The following CYTH1 variants were observed in gnomAD, a reference collection of about 807,000 sequenced individuals.
CYTH1 encodes the protein cytohesin-1.
In CYTH1, 18 loss-of-function variants were observed where a neutral mutation model predicts 61.8. The ratio of observed to expected loss-of-function variants is 0.29; its 90% CI spans 0.20 to 0.43. The LOEUF is 0.43. Ranked by LOEUF, CYTH1 falls within the 20% of genes least tolerant of loss-of-function variation. CYTH1 has a pLI of 1.00. For synonymous variants in CYTH1, 174 were observed against 184.3 expected (o/e 0.94, Z 0.45); for missense variants, 336 against 510.5 (o/e 0.66, Z 3.29).
At chr17:78,759,115 A>C (rs994466168) in intron 1 of CYTH1, among the ~76,000 whole-genome samples, 1 of 152,208 alleles carries the variant, frequency 6.6e-6, no homozygotes. Flanking sequence ...AACAGAAAGA[A>C]AATTTCCATA....
intron 3 of CYTH1, among the ~76,000 whole-genome samples, chr17:78,707,613 G>A (rs2093081542): frequency 6.6e-6 from 1 of 152,006 alleles, no homozygotes; most frequent in Admixed American, 6.5e-5. Context: ...GACAACAGAG[G>A]GGAGTAATTC....
intron 1 of CYTH1, among the ~76,000 whole-genome samples, chr17:78,766,980 A>C (rs2093451309): frequency 6.6e-6 from 1 of 152,198 alleles, no homozygotes; most frequent in South Asian, 2.1e-4. Flanking sequence ...CTATAAAATC[A>C]GTACAGTATT....
At position 78,675,749 on chromosome 17, in the gene CYTH1, C is replaced by T; in HGVS notation, c.*342G>A. 1.4e-6 allele frequency: 1 copy of T among 727,236 alleles called. No homozygotes were observed. Among genetic ancestry groups the T allele is most frequent in the East Asian group, 2.9e-5 (1 of 34,040 alleles). 45.0% of individuals were successfully genotyped at this position (727,236 alleles called of 1,614,324 possible). A position where few individuals can be genotyped will look rare whatever the true frequency, so the allele number is the denominator to read the frequency against. ...ATGGTGCAGGGTTTGAAGGCTTCTTCACGGGGACAACCAAGAGGTAAACAG... is the reference window on the plus strand; with the variant it reads ...ATGGTGCAGGGTTTGAAGGCTTCTTTACGGGGACAACCAAGAGGTAAACAG... On this transcript the variant is annotated 3_prime_UTR_variant, in exon 14 of 14. Coordinates refer to ENST00000446868, the MANE Select transcript of CYTH1 (RefSeq NM_004762.6).
At chr17:78,759,348 C>T (rs565512650) in intron 1 of CYTH1, among the ~76,000 whole-genome samples, 7 of 152,344 alleles carry the variant, frequency 4.6e-5, no homozygotes, top group African/African-American at 1.7e-4. Flanking sequence ...CGCCAAGCCT[C>T]TCTTTCATCC....
intron 1 of CYTH1, among the ~76,000 whole-genome samples, chr17:78,757,707 G>C (rs1432337493): frequency 1.3e-5 from 2 of 151,994 alleles, no homozygotes; most frequent in African/African-American, 4.8e-5. Flanking sequence ...GAGGCGGGCA[G>C]ACTGCCTGAG....
chr17:78,677,427 C>T (rs960971198), intron 13 of CYTH1: 6 of 190,346 alleles, frequency 3.2e-5, no homozygotes, highest in Admixed American at 5.8e-5. Context: ...TCTCAACTCC[C>T]GCTTCCTCAC....
intron 11 of CYTH1, among the ~76,000 whole-genome samples, chr17:78,687,581 C>T (rs528453867): frequency 3.3e-5 from 5 of 152,172 alleles, no homozygotes; most frequent in African/African-American, 4.8e-5. Context: ...ATCGCTCAAG[C>T]TCTTCTGAAA....
rs1483800619 is a variant in CYTH1 at position 78,753,399 on chromosome 17, G to A, written c.22+28803C>T. Among the ~76,000 whole-genome samples, 3 of 152,296 alleles carry A rather than the reference G, an allele frequency of 2.0e-5. No individual in the cohort carries two copies. In the East Asian group the frequency reaches 5.8e-4, roughly 29 times the overall value. ...CCAGAAGACTCATGCTCTTGGCCAGGCAGTGGCTCATGCCTGTTAGCTCAA... is the reference window on the plus strand; with the variant it reads ...CCAGAAGACTCATGCTCTTGGCCAGACAGTGGCTCATGCCTGTTAGCTCAA... On this transcript the variant is annotated intron_variant, in intron 1 of 13. Coordinates refer to ENST00000446868, the MANE Select transcript of CYTH1 (RefSeq NM_004762.6).
chr17:78,760,519 A>ATATATATATATACATACATATATATG (rs2093423119), intron 1 of CYTH1, among the ~76,000 whole-genome samples: 5 of 47,586 alleles, frequency 1.1e-4, no homozygotes, highest in South Asian at 5.8e-4. Flanking sequence ...ATATATATGT[A>ATATATATATATACATACATATATATG]TATATATATA....
chr17:78,676,829 A>G (rs1406808650), intron 13 of CYTH1: 1 of 366,504 alleles, frequency 2.7e-6, no homozygotes, highest in Non-Finnish European at 5.4e-6. Context: ...GAGCACCTGC[A>G]GTGGACTGGC....
intron 1 of CYTH1, among the ~76,000 whole-genome samples, chr17:78,779,418 AAAAAAG>A (rs1430614597): frequency 2.0e-5 from 3 of 151,798 alleles, no homozygotes; most frequent in Non-Finnish European, 2.9e-5. Context: ...AAAAAAAAAA[AAAAAAG>A]AAAGGGGAAG....
chr17:78,698,746 C>T, intron 8 of CYTH1, 74 bp downstream of exon 8: 1 of 1,456,780 alleles, frequency 6.9e-7, no homozygotes, highest in Non-Finnish European at 9.1e-7. Flanking sequence ...TTTTTTCTTC[C>T]TTCCTACAAA....
At chr17:78,684,576 T>C (rs887505436) in intron 11 of CYTH1, among the ~76,000 whole-genome samples, 1 of 152,226 alleles carries the variant, frequency 6.6e-6, no homozygotes, top group African/African-American at 2.4e-5. Flanking sequence ...AATTGCTTAT[T>C]ATAAAGAACT....
At chr17:78,720,097 A>T (rs2093215260) in intron 1 of CYTH1, among the ~76,000 whole-genome samples, 1 of 152,016 alleles carries the variant, frequency 6.6e-6, no homozygotes, top group Admixed American at 6.6e-5. Flanking sequence ...GGCTGGGGAG[A>T]GGGGGAGTGG....
chr17:78,746,786 T>C (rs1306722720), intron 1 of CYTH1, among the ~76,000 whole-genome samples: 1 of 151,656 alleles, frequency 6.6e-6, no homozygotes, highest in African/African-American at 2.4e-5. Flanking sequence ...TACAGAAAAC[T>C]AAAAAATTAG....
At chr17:78,781,814 C>G in intron 1 of CYTH1, among the ~76,000 whole-genome samples, 1 of 151,362 alleles carries the variant, frequency 6.6e-6, no homozygotes, top group East Asian at 2.0e-4. Context: ...ACCCCTGCCC[C>G]GGGGACCCCA....
chr17:78,770,704 C>A (rs1314208202), intron 1 of CYTH1, among the ~76,000 whole-genome samples: 1 of 152,164 alleles, frequency 6.6e-6, no homozygotes, highest in African/African-American at 2.4e-5. Context: ...CAGAGCCCGA[C>A]TGAAAATAGG....
chr17:78,724,058 T>C (rs1182307367), intron 1 of CYTH1: 3 of 152,210 alleles, frequency 2.0e-5, no homozygotes, highest in Non-Finnish European at 2.9e-5. Flanking sequence ...GGTTATTTCT[T>C]CACCAGAGGC....
intron 1 of CYTH1, among the ~76,000 whole-genome samples, chr17:78,711,306 T>TAAA (rs1270598813): frequency 4.1e-5 from 4 of 98,706 alleles, no homozygotes; most frequent in African/African-American, 1.2e-4. Flanking sequence ...ATAAATAATA[T>TAAA]ATATATATAC....
Sources: allele counts gnomAD v4.1 joint callset (sites outside exome capture counted in the v4.1 genomes callset), GRCh38; gene constraint gnomAD v4.1.1; transcripts MANE v1.5; gene names NCBI Gene and HGNC (gene_info 2026-07-23, HGNC 2026-07-21).